ZNF354A: variants seen among roughly 807,000 people sequenced by gnomAD.
ZNF354A encodes the protein epididymis luminal protein 104.
ZNF354A carries 25 observed loss-of-function variants against 53.3 expected under a neutral mutation model. The observed-to-expected ratio is 0.47, with a 90% CI of 0.34 to 0.66. The LOEUF (loss-of-function observed/expected upper bound fraction) is 0.66. Among genes scored for constraint, ZNF354A ranks in the 30% least tolerant of loss-of-function variants. The pLI is 0.01. For missense variants in ZNF354A, 586 were observed against 716.8 expected (o/e 0.82, Z 2.08); for synonymous variants, 228 against 249.0 (o/e 0.92, Z 0.79).
chr5:178,728,615 C>T (rs1765958055), intron 2 of ZNF354A, among the ~76,000 whole-genome samples: 1 of 148,312 alleles, frequency 6.7e-6, no homozygotes, highest in Non-Finnish European at 1.5e-5. Flanking sequence ...CGTGGTGAAA[C>T]CCCATCTCTA....
chr5:178,712,015 T>C lies in ZNF354A; in HGVS notation c.*45A>G. The C allele has an allele frequency of 6.6e-7, 1 of 1,523,256 alleles. No individual in the cohort carries two copies. The highest frequency in any genetic ancestry group is 8.8e-7 in the Non-Finnish European group (1 of 1,139,784). The allele number at this position is 1,523,256 out of a possible 1,614,324, so 94.4% of individuals were successfully genotyped here. A position where few individuals can be genotyped will look rare whatever the true frequency, so the allele number is the denominator to read the frequency against. ...TACATCTCTCTCAAGGATGTATTCT[T>C]CGATGAGCTTTGGTTTAAGGCTTTC... is the stretch of plus-strand genomic sequence containing the variant. On this transcript the variant is annotated 3_prime_UTR_variant, in exon 5 of 5. Coordinates refer to ENST00000335815, the MANE Select transcript of ZNF354A (RefSeq NM_005649.3).
At chr5:178,726,374 G>A (rs903494526) in intron 3 of ZNF354A, 26 of 343,622 alleles carry the variant, frequency 7.6e-5, no homozygotes, top group Non-Finnish European at 3.5e-5. Context: ...GCAGTGGCGG[G>A]AACTTGGCTC....
At chr5:178,729,566 T>C (rs1330376326) in intron 1 of ZNF354A, among the ~76,000 whole-genome samples, 1 of 152,024 alleles carries the variant, frequency 6.6e-6, no homozygotes, top group Non-Finnish European at 1.5e-5. Context: ...CTTTTTTTTT[T>C]TTGAGGCGGA....
In ZNF354A at chr5:178,712,022, G is replaced by A. The variant is rs747469890; in HGVS notation, c.*38C>T. The A allele has an allele frequency of 2.0e-6, 3 of 1,530,246 alleles. No individual in the cohort carries two copies. The highest frequency in any genetic ancestry group is 2.6e-6 in the Non-Finnish European group (3 of 1,143,214). 94.8% of individuals were successfully genotyped at this position (1,530,246 alleles called of 1,614,324 possible). On this transcript the variant is annotated 3_prime_UTR_variant, in exon 5 of 5. Transcript: ENST00000335815. ...CTCTCAAGGATGTATTCTTCGATGA[G>A]CTTTGGTTTAAGGCTTTCACACATA...
rs1324094967 is a variant in ZNF354A, at chr5:178,712,097, G to A, written c.1781C>T (p.Thr594Ile). Reference sequence around the variant, plus strand: ...TTCGATATGAATTTTATAATGATTAGTAAGGGATGACCTATGGTTGAAAAG... The same window carrying A: ...TTCGATATGAATTTTATAATGATTAATAAGGGATGACCTATGGTTGAAAAG... ...GKLFNHRSSL[T>I]NHYKIHIEED... The change falls in exon 5 of 5, where the codon ACT becomes ATT. Residue 594 changes from threonine to isoleucine, a missense_variant. Thr to Ile is a moderately conservative substitution (Grantham distance 89, BLOSUM62 -1). This residue lies in a region of ZNF354A where 573 missense variants were observed against 680.1 expected (regional missense o/e 0.84). Coordinates refer to ENST00000335815, the MANE Select transcript of ZNF354A (RefSeq NM_005649.3). 2 of 1,608,338 alleles carry A rather than the reference G, an allele frequency of 1.2e-6. No homozygotes were observed. Among genetic ancestry groups the A allele is most frequent in the Non-Finnish European group, 1.7e-6 (2 of 1,176,846 alleles).
intron 4 of ZNF354A, among the ~76,000 whole-genome samples, chr5:178,720,987 C>G (rs1187154405): frequency 6.6e-6 from 1 of 152,160 alleles, no homozygotes; most frequent in Non-Finnish European, 1.5e-5. Flanking sequence ...GTAGGGGGTA[C>G]TTTCTCATTT....
chr5:178,722,579 T>C (rs957658507), intron 4 of ZNF354A, among the ~76,000 whole-genome samples: 1 of 152,222 alleles, frequency 6.6e-6, no homozygotes, highest in Non-Finnish European at 1.5e-5. Context: ...CTGCTGGCTG[T>C]ATCTCCTGGA....
In ZNF354A at chr5:178,712,769, C is replaced by T. The variant is rs778848027; in HGVS notation, c.1109G>A (p.Arg370His). 33 of 1,613,898 alleles carry T rather than the reference C, an allele frequency of 2.0e-5. No homozygotes were observed. Among genetic ancestry groups the T allele is most frequent in the Non-Finnish European group, 1.9e-5 (23 of 1,179,996 alleles). ...GNTFKSSSSLRYHQRIHTGEK... is the reference protein window; with the variant it reads ...GNTFKSSSSLHYHQRIHTGEK... ...TCCAGTGTGAATTCTCTGATGATAA[C>T]GAAGGGATGAGCTAGACTTAAAGGT... The change falls in exon 5 of 5, where the codon CGT (arginine) becomes CAT (histidine). Residue 370 changes from arginine (R) to histidine (H), a missense_variant. Physicochemically the swap from Arg to His is conservative, Grantham distance 29. Around this residue, in one of 2 missense-constraint regions of ZNF354A, gnomAD observed 573 missense variants for 680.1 expected, o/e 0.84. Coordinates refer to ENST00000335815, the MANE Select transcript of ZNF354A (RefSeq NM_005649.3).
chr5:178,711,980 T>C lies in ZNF354A; in HGVS notation c.*80A>G. 1 of 1,481,552 alleles carries C rather than the reference T, an allele frequency of 6.7e-7. No individual in the cohort carries two copies. The highest frequency in any genetic ancestry group is 2.4e-4 in the Middle Eastern group (1 of 4,130). 91.8% of individuals were successfully genotyped at this position (1,481,552 alleles called of 1,614,324 possible). ...ATTATTACAGTTTTTTTCACATCCA[T>C]TACATTTATTACATCTCTCTCAAGG... On this transcript the variant is annotated 3_prime_UTR_variant, in exon 5 of 5. Coordinates refer to ENST00000335815, the MANE Select transcript of ZNF354A (RefSeq NM_005649.3).
intron 4 of ZNF354A, among the ~76,000 whole-genome samples, chr5:178,724,381 C>T (rs1277972128): frequency 3.3e-5 from 5 of 152,014 alleles, no homozygotes; most frequent in African/African-American, 4.8e-5. Flanking sequence ...TGCCCCACCA[C>T]GCTTGGCTAA....
At chr5:178,727,216 T>C in intron 2 of ZNF354A, 91 bp from the exon 3 acceptor site, 1 of 1,363,142 alleles carries the variant, frequency 7.3e-7, no homozygotes, top group South Asian at 1.6e-5. Context: ...CGTGAAACAC[T>C]TCCCATACTA....
chr5:178,729,872 G>GCTTC (rs746292908), intron 1 of ZNF354A, among the ~76,000 whole-genome samples: 18 of 143,318 alleles, frequency 1.3e-4, no homozygotes, highest in South Asian at 4.5e-4. Context: ...CTAACACGAT[G>GCTTC]TTTCTTTTTT....
Position 178,713,366 on chromosome 5 carries a change from T to C in ZNF354A, c.512A>G (p.Lys171Arg). The change falls in exon 5 of 5, where the codon AAG (lysine) becomes AGG (arginine). Residue 171 changes from lysine to arginine, a missense_variant. Coordinates refer to ENST00000335815, the MANE Select transcript of ZNF354A (RefSeq NM_005649.3). ...TATCTGTTGCCTAATAAGCACTGAC[T>C]TTGGGCTGAAGTTTTGGCTCAATTC... is the stretch of plus-strand genomic sequence containing the variant. ...NTELSQNFSP[K>R]SVLIRQQILP... is the part of the protein sequence containing the mutation. 1 of 1,614,182 alleles carries C rather than the reference T, an allele frequency of 6.2e-7. No individual in the cohort carries two copies. Among genetic ancestry groups the C allele is most frequent in the Non-Finnish European group, 8.5e-7 (1 of 1,180,022 alleles).
At chr5:178,716,973 G>C (rs1182655006) in intron 4 of ZNF354A, among the ~76,000 whole-genome samples, 3 of 151,618 alleles carry the variant, frequency 2.0e-5, no homozygotes, top group Non-Finnish European at 4.4e-5. Context: ...CAGGTACTCG[G>C]GAGGCTGAGG....
chr5:178,712,994 T>C lies in ZNF354A; in HGVS notation c.884A>G (p.Glu295Gly). ...LYKHLRTHTV[E>G]KSYRCKECGK... ...ACATTCTTTACATCTGTAGGATTTC[T>C]CCACAGTATGGGTTCTTAGATGTTT... Residue 295 changes from glutamate (E) to glycine (G), a missense_variant, in exon 5 of 5, where the codon GAG becomes GGG. Physicochemically the swap from Glu to Gly is moderately conservative, Grantham distance 98. Transcript: ENST00000335815. 1 of 1,614,194 alleles carries C rather than the reference T, an allele frequency of 6.2e-7. No individual in the cohort carries two copies. Among genetic ancestry groups the C allele is most frequent in the Non-Finnish European group, 8.5e-7 (1 of 1,180,010 alleles).
intron 4 of ZNF354A, among the ~76,000 whole-genome samples, chr5:178,717,250 G>A (rs907927159): frequency 3.7e-4 from 56 of 152,200 alleles, no homozygotes; most frequent in African/African-American, 1.0e-3. Flanking sequence ...GACCGACTAC[G>A]CTGGGGCACC....
At chr5:178,717,365 A>G (rs1207246127) in intron 4 of ZNF354A, among the ~76,000 whole-genome samples, 1 of 152,134 alleles carries the variant, frequency 6.6e-6, no homozygotes, top group African/African-American at 2.4e-5. Context: ...CAGTGAAGGA[A>G]GAGCTAGCGG....
At chr5:178,726,417 C>G (rs1765908756) in intron 3 of ZNF354A, among the ~76,000 whole-genome samples, 1 of 151,658 alleles carries the variant, frequency 6.6e-6, no homozygotes, top group African/African-American at 2.4e-5. Context: ...CCTGCCTCAG[C>G]CTTCAAAGTA....
intron 1 of ZNF354A, among the ~76,000 whole-genome samples, chr5:178,729,904 G>A (rs932378615): frequency 7.3e-6 from 1 of 136,930 alleles, no homozygotes; most frequent in African/African-American, 2.6e-5. Context: ...TCGCTCTGTC[G>A]CTCAGGCTGG....
Sources: gnomAD v4.1 joint callset for allele counts (sites outside exome capture counted in the v4.1 genomes callset) on GRCh38, gnomAD v4.1.1 for gene constraint, gnomAD v4.1.1 regional missense constraint, MANE v1.5 for transcripts, NCBI Gene and HGNC (gene_info 2026-07-23, HGNC 2026-07-21) for gene names.